The following RPS15A variants were observed in gnomAD, a reference collection of about 807,000 sequenced individuals.
RPS15A encodes the protein ribosomal protein S15a.
For missense variants in RPS15A, 62 were observed against 163.4 expected (o/e 0.38, Z 3.38); for synonymous variants, 55 against 58.5 (o/e 0.94, Z 0.27).
chr16:18,784,898 A>T, intron 3 of RPS15A, 75 bp from the exon 4 acceptor site: 1 of 1,221,620 alleles, frequency 8.2e-7, no homozygotes, highest in Non-Finnish European at 1.2e-6. Context: ...ACAAGATGAC[A>T]TTCATAAATA....
At chr16:18,789,248 G>A in intron 1 of RPS15A, 130 bp from the exon 2 acceptor site, 1 of 853,366 alleles carries the variant, frequency 1.2e-6, no homozygotes, top group Admixed American at 2.9e-5. Flanking sequence ...GTCTAAGCAG[G>A]CTGCTTCTCC....
chr16:18,788,032 G>C, intron 3 of RPS15A, 31 bp downstream of exon 3: 1 of 1,409,720 alleles, frequency 7.1e-7, no homozygotes, highest in Non-Finnish European at 1.0e-6. Flanking sequence ...AATTCTTAAA[G>C]CTTTGAAATG....
chr16:18,787,461 C>T (rs2029907293), intron 3 of RPS15A, among the ~76,000 whole-genome samples: 1 of 152,162 alleles, frequency 6.6e-6, no homozygotes, highest in African/African-American at 2.4e-5. Context: ...CTGAAAGCTA[C>T]AAACCTGACA....
At chr16:18,784,935 G>A in intron 3 of RPS15A, 112 bp from the exon 4 acceptor site, 2 of 758,358 alleles carry the variant, frequency 2.6e-6, no homozygotes, top group Non-Finnish European at 4.4e-6. Context: ...AACCAACCCA[G>A]CATTCAGATG....
chr16:18,789,451 GA>G (rs2029976380), intron 1 of RPS15A, among the ~76,000 whole-genome samples: 1 of 152,236 alleles, frequency 6.6e-6, no homozygotes, highest in East Asian at 1.9e-4. Context: ...AGAACTGGCA[GA>G]AACTGCCAGC....
At chr16:18,787,821 C>T (rs554806164) in intron 3 of RPS15A, among the ~76,000 whole-genome samples, 25 of 152,222 alleles carry the variant, frequency 1.6e-4, no homozygotes, top group African/African-American at 4.1e-4. Context: ...GTTGGTTTCA[C>T]CCCCCATCTC....
At chr16:18,783,244 G>T in intron 4 of RPS15A, 142 bp from the exon 5 acceptor site, 1 of 603,242 alleles carries the variant, frequency 1.7e-6, no homozygotes, top group Non-Finnish European at 2.9e-6. Flanking sequence ...TACATGAGCT[G>T]GTGCCTCATG....
At chr16:18,788,932 C>A in intron 2 of RPS15A, 49 bp downstream of exon 2, 1 of 1,578,592 alleles carries the variant, frequency 6.3e-7, no homozygotes, top group South Asian at 1.2e-5. Flanking sequence ...GGACTGATTT[C>A]TTAGAGAGTC....
chr16:18,783,487 A>T (rs1346722096), intron 4 of RPS15A: 1 of 356,462 alleles, frequency 2.8e-6, no homozygotes, highest in African/African-American at 2.1e-5. Context: ...TATAATAGCT[A>T]AACTATTATA....
At chr16:18,787,879 ATCCTAGCAC>A in intron 3 of RPS15A, among the ~76,000 whole-genome samples, 175 bp downstream of exon 3, 1 of 152,362 alleles carries the variant, frequency 6.6e-6, no homozygotes. Flanking sequence ...AACTGACATA[ATCCTAGCAC>A]AATCAACCCA....
chr16:18,789,779 G>A (rs1008636316), intron 1 of RPS15A: 2 of 152,214 alleles, frequency 1.3e-5, no homozygotes, highest in Non-Finnish European at 1.5e-5. Context: ...AGTGCCAATA[G>A]TAAAGAGTAG....
chr16:18,785,205 T>A (rs780236364), intron 3 of RPS15A: 2 of 163,422 alleles, frequency 1.2e-5, no homozygotes, highest in African/African-American at 2.4e-5. Context: ...AATAAAATCA[T>A]AGGGTCTCAA....
intron 4 of RPS15A, 96 bp downstream of exon 4, chr16:18,784,642 G>T: frequency 1.1e-6 from 1 of 911,476 alleles, no homozygotes; most frequent in Non-Finnish European, 1.7e-6. Context: ...CCACTGCTTT[G>T]TTTTAAACAG....
intron 3 of RPS15A, among the ~76,000 whole-genome samples, chr16:18,787,147 C>T (rs891687516): frequency 5.3e-5 from 8 of 152,166 alleles, no homozygotes; most frequent in African/African-American, 1.9e-4. Flanking sequence ...ACAGGCGTGA[C>T]CCACTGTGCC....
intron 3 of RPS15A, 104 bp from the exon 4 acceptor site, chr16:18,784,927 C>T: frequency 1.2e-6 from 1 of 865,664 alleles, no homozygotes; most frequent in Non-Finnish European, 1.8e-6. Context: ...TCCAAACCAA[C>T]CAACCCAGCA....
chr16:18,783,116 A>G lies in RPS15A; in HGVS notation c.300-14T>C, dbSNP rs1362867528. Reference sequence around the variant, plus strand: ...AGTACAATGAAACTATGGAGTGGAAAAAGAAAGTGCTGGTAAGTTTAATAG... The same window carrying G: ...AGTACAATGAAACTATGGAGTGGAAGAAGAAAGTGCTGGTAAGTTTAATAG... On this transcript the variant is annotated splice_polypyrimidine_tract_variant and intron_variant, in intron 4 of 4. Transcript: ENST00000322989. 1 of 1,564,022 alleles carries G rather than the reference A, an allele frequency of 6.4e-7. No homozygotes were observed. The highest frequency in any genetic ancestry group is 8.8e-7 in the Non-Finnish European group (1 of 1,137,886).
At chr16:18,788,002 C>T (rs1567287960) in intron 3 of RPS15A, 61 bp downstream of exon 3, 1 of 1,015,130 alleles carries the variant, frequency 9.9e-7, no homozygotes, top group Admixed American at 1.7e-5. Flanking sequence ...GCAATTACAA[C>T]ATTTAACGCC....
At position 18,782,441 on chromosome 16, in the gene RPS15A, G is replaced by A. The variant is rs1903979305; in HGVS notation, c.*568C>T. The A allele has an allele frequency of 6.6e-6, 1 of 151,544 alleles. No homozygotes were observed. Among genetic ancestry groups the A allele is most frequent in the Non-Finnish European group, 1.5e-5 (1 of 67,942 alleles). The allele number at this position is 151,544 out of a possible 1,614,324, so 9.4% of individuals were successfully genotyped here. A position where few individuals can be genotyped will look rare whatever the true frequency, so the allele number is the denominator to read the frequency against. ...AACTAATAGAAAATACTGAAATATA[G>A]GCCAGGTGTAATGGCTCGTGGCTGT... is the stretch of plus-strand genomic sequence containing the variant. On this transcript the variant is annotated 3_prime_UTR_variant, in exon 5 of 5. Transcript: ENST00000322989.
chr16:18,783,830 G>A (rs556793261), intron 4 of RPS15A: 28 of 403,868 alleles, frequency 6.9e-5, no homozygotes, highest in African/African-American at 5.2e-4. Flanking sequence ...AATCAAGGCT[G>A]TGACTTGCCC....
Sources: gnomAD v4.1 joint callset for allele counts (sites outside exome capture counted in the v4.1 genomes callset) on GRCh38, gnomAD v4.1.1 for gene constraint, MANE v1.5 for transcripts, NCBI Gene and HGNC (gene_info 2026-07-23, HGNC 2026-07-21) for gene names.